The following GFPT2 variants were observed in gnomAD, a reference collection of about 807,000 sequenced individuals.
The protein encoded by GFPT2 is glutamine--fructose-6-phosphate transaminase 2.
Under a neutral mutation model 85.6 loss-of-function variants are expected in GFPT2, and 62 were observed. The observed-to-expected ratio is 0.72, with a 90% CI of 0.59 to 0.90. The LOEUF is 0.90. Ranked by LOEUF, GFPT2 falls within the 40% of genes least tolerant of loss-of-function variation. The probability of loss-of-function intolerance (pLI) is 0.00; values close to 1 mark genes in which losing one functional copy is unlikely to be tolerated. For missense variants in GFPT2, 788 were observed against 893.4 expected, an observed-to-expected ratio of 0.88 and a Z score of 1.50; for synonymous variants, 368 against 344.5, an observed-to-expected ratio of 1.07 and a Z score of -0.75.
rs952635715 is a variant in GFPT2, at chr5:180,323,660, A to G, written c.794+528T>C. On this transcript the variant is annotated intron_variant, in intron 9 of 18. Transcript: ENST00000253778. This position sits in a 1 kb window ranked among gnomAD's most constrained non-coding sequence, Gnocchi z 4.0. ...GTGGATTGATGAGAGCATGGACTTTAGAATCAATTGAAAAACTCCCTGTGT... is the reference window on the plus strand; with the variant it reads ...GTGGATTGATGAGAGCATGGACTTTGGAATCAATTGAAAAACTCCCTGTGT... Among the ~76,000 whole-genome samples, 3 of 152,148 alleles carry G rather than the reference A, an allele frequency of 2.0e-5. No individual in the cohort carries two copies. Among genetic ancestry groups the G allele is most frequent in the Admixed American group, 6.5e-5 (1 of 15,278 alleles).
At position 180,323,125 on chromosome 5, in the gene GFPT2, C is replaced by T. The variant is rs1764149838; in HGVS notation, c.794+1063G>A. Among the ~76,000 whole-genome samples, 1 of 152,172 alleles carries T rather than the reference C, an allele frequency of 6.6e-6. No homozygotes were observed. Among genetic ancestry groups the T allele is most frequent in the African/African-American group, 2.4e-5 (1 of 41,440 alleles). On this transcript the variant is annotated intron_variant, in intron 9 of 18. Transcript: ENST00000253778. This position sits in a 1 kb window ranked among gnomAD's most constrained non-coding sequence, Gnocchi z 4.0. Reference sequence around the variant, plus strand: ...GTTAAGATCACAATTATTTGACAAACTTCTAAGAAATAAAAGCTTCAACAA... The same window carrying T: ...GTTAAGATCACAATTATTTGACAAATTTCTAAGAAATAAAAGCTTCAACAA...
At chr5:180,340,511 G>GTTTT (rs779151812) in intron 1 of GFPT2, among the ~76,000 whole-genome samples, 1 of 113,396 alleles carries the variant, frequency 8.8e-6, no homozygotes, top group Admixed American at 9.4e-5. Context: ...TGGCCTGCAG[G>GTTTT]TTTTTTTTTT....
At position 180,328,199 on chromosome 5, in the gene GFPT2, A is replaced by G; in HGVS notation, c.596+78T>C. The G allele has an allele frequency of 9.1e-7, 1 of 1,104,010 alleles. No individual in the cohort carries two copies. Among genetic ancestry groups the G allele is most frequent in the Non-Finnish European group, 1.4e-6 (1 of 717,140 alleles). 68.4% of individuals were successfully genotyped at this position (1,104,010 alleles called of 1,614,324 possible). Reference sequence around the variant, plus strand: ...CACCTTTCAGCGTGCCACAGGCCCTACCTCTCCCGTCTCCCTCCAGCTAAG... The same window carrying G: ...CACCTTTCAGCGTGCCACAGGCCCTGCCTCTCCCGTCTCCCTCCAGCTAAG... On this transcript the variant is annotated intron_variant, in intron 7 of 18. Coordinates refer to ENST00000253778, the MANE Select transcript of GFPT2 (RefSeq NM_005110.4). The surrounding 1 kb of genome is among the most constrained non-coding windows in gnomAD (Gnocchi z 5.4).
Position 180,318,673 on chromosome 5 carries a change from C to T in GFPT2, c.958+120G>A. On this transcript the variant is annotated intron_variant, in intron 10 of 18. Transcript: ENST00000253778. This position sits in a 1 kb window ranked among gnomAD's most constrained non-coding sequence, Gnocchi z 4.2. Reference sequence around the variant, plus strand: ...GCCACAGGCTACCTGCAGCCCCGCCCTGGTGGCCACAGAGGGCAGGAGGGC... The same window carrying T: ...GCCACAGGCTACCTGCAGCCCCGCCTTGGTGGCCACAGAGGGCAGGAGGGC... The T allele has an allele frequency of 2.4e-6, 2 of 841,272 alleles. No individual in the cohort carries two copies. Among genetic ancestry groups the T allele is most frequent in the Non-Finnish European group, 3.8e-6 (2 of 531,316 alleles). The allele number at this position is 841,272 out of a possible 1,614,324, so 52.1% of individuals were successfully genotyped here. A position where few individuals can be genotyped will look rare whatever the true frequency, so the allele number is the denominator to read the frequency against.
intron 13 of GFPT2, among the ~76,000 whole-genome samples, chr5:180,315,334 C>T (rs984253193): frequency 1.6e-4 from 24 of 152,224 alleles, no homozygotes; most frequent in African/African-American, 3.4e-4. Flanking sequence ...CCCGCCACCA[C>T]GCCCGGCTAA....
chr5:180,324,618 T>A (rs991949630), intron 8 of GFPT2, 198 bp downstream of exon 8: 1 of 595,578 alleles, frequency 1.7e-6, no homozygotes, highest in Non-Finnish European at 3.0e-6. Flanking sequence ...TAAATTCATG[T>A]CCATGATAAA....
chr5:180,315,469 C>T (rs368607690), intron 13 of GFPT2, among the ~76,000 whole-genome samples: 88 of 151,962 alleles, frequency 5.8e-4, no homozygotes, highest in African/African-American at 1.9e-3. Context: ...TGAGCCACCG[C>T]GCCCGGCCGG....
chr5:180,340,155 C>T (rs890891980), intron 1 of GFPT2, among the ~76,000 whole-genome samples: 1 of 151,488 alleles, frequency 6.6e-6, no homozygotes. Context: ...CAACCTCATA[C>T]GGTGGAAGGG....
intron 7 of GFPT2, among the ~76,000 whole-genome samples, chr5:180,325,595 C>A (rs926223454): frequency 6.6e-6 from 1 of 152,244 alleles, no homozygotes; most frequent in Admixed American, 6.5e-5. Context: ...GGGGCCCTCA[C>A]TCAGGCCTCC....
chr5:180,329,236 C>T (rs1273653013), intron 6 of GFPT2, among the ~76,000 whole-genome samples: 1 of 152,198 alleles, frequency 6.6e-6, no homozygotes, highest in Non-Finnish European at 1.5e-5. Flanking sequence ...GTCCAGGTTG[C>T]CAACTCAGCT....
rs374275686 is a variant in GFPT2 at position 180,316,862 on chromosome 5, C to T, written c.1055-1G>A. ...TGGTCCTTCAAGCCACCCAGGAGCA[C>T]TGCAGGGCACACGACAAGGCGTTAA... On this transcript the variant is annotated splice_acceptor_variant, in intron 11 of 18. Transcript: ENST00000253778. LOFTEE classifies it high-confidence loss of function. The T allele has an allele frequency of 2.8e-4, 445 of 1,611,494 alleles. No individual in the cohort carries two copies. The highest frequency in any genetic ancestry group is 3.6e-4 in the Non-Finnish European group (428 of 1,177,562).
intron 9 of GFPT2, among the ~76,000 whole-genome samples, chr5:180,322,082 C>T (rs972634241): frequency 2.6e-5 from 4 of 152,180 alleles, no homozygotes; most frequent in African/African-American, 7.2e-5. Context: ...CCACCACGCC[C>T]GGCCTGGACA....
chr5:180,342,298 C>T (rs1031132786), intron 1 of GFPT2, among the ~76,000 whole-genome samples: 1 of 151,958 alleles, frequency 6.6e-6, no homozygotes, highest in Non-Finnish European at 1.5e-5. Context: ...TAACAGCTTT[C>T]TGGAGACATA....
At chr5:180,334,056 T>C (rs1764354569) in intron 4 of GFPT2, among the ~76,000 whole-genome samples, 1 of 152,184 alleles carries the variant, frequency 6.6e-6, no homozygotes, top group Non-Finnish European at 1.5e-5. Context: ...AGATGTACAT[T>C]CTAGGTCCTC....
intron 1 of GFPT2, among the ~76,000 whole-genome samples, chr5:180,350,926 G>C (rs1764699479): frequency 6.6e-6 from 1 of 152,228 alleles, no homozygotes; most frequent in Admixed American, 6.5e-5. Flanking sequence ...GAACGGCCCA[G>C]GAGATCTGAG....
intron 1 of GFPT2, among the ~76,000 whole-genome samples, chr5:180,343,161 T>C (rs939259914): frequency 5.3e-5 from 8 of 152,196 alleles, no homozygotes; most frequent in African/African-American, 1.7e-4. Context: ...AATGTACCCA[T>C]TGCCAACTCT....
chr5:180,329,903 G>A (rs1764274553), intron 6 of GFPT2, among the ~76,000 whole-genome samples: 1 of 152,216 alleles, frequency 6.6e-6, no homozygotes, highest in South Asian at 2.1e-4. Context: ...CGCCCAGTGT[G>A]TGCTCCCTTC....
intron 15 of GFPT2, among the ~76,000 whole-genome samples, chr5:180,310,106 A>G (rs2892153): frequency 0.75 from 113,952 of 151,216 alleles, 43,350 homozygotes; most frequent in East Asian, 0.92. Context: ...CACCGTGCCC[A>G]GCCTTTTCTT....
chr5:180,348,255 T>A (rs1276819991), intron 1 of GFPT2, among the ~76,000 whole-genome samples: 1 of 152,182 alleles, frequency 6.6e-6, no homozygotes, highest in East Asian at 1.9e-4. Context: ...TGAGGGCTCG[T>A]GAAATTCCCG....
Sources: gnomAD v4.1 joint callset for allele counts (sites outside exome capture counted in the v4.1 genomes callset) on GRCh38, gnomAD v4.1.1 for gene constraint, Gnocchi (gnomAD v3.1) non-coding constraint, MANE v1.5 for transcripts, NCBI Gene and HGNC (gene_info 2026-07-23, HGNC 2026-07-21) for gene names.